Variants in TC2N observed in about 807,000 individuals in gnomAD.
TC2N encodes the protein tandem C2 domains, nuclear, also known as tandem C2 domains nuclear protein.
TC2N carries 51 observed loss-of-function variants against 61.9 expected under a neutral mutation model. The ratio of observed to expected loss-of-function variants is 0.82; its 90% CI spans 0.66 to 1.04. The LOEUF (loss-of-function observed/expected upper bound fraction) is 1.04. Among genes scored for constraint, TC2N ranks in the 50% least tolerant of loss-of-function variants. The pLI is 0.00. For synonymous variants in TC2N, 204 were observed against 192.6 expected (o/e 1.06, Z -0.49); for missense variants, 556 against 566.7 (o/e 0.98, Z 0.19).
chr14:91,843,510 G>C (rs756167699), intron 1 of TC2N, among the ~76,000 whole-genome samples: 2 of 152,170 alleles, frequency 1.3e-5, no homozygotes, highest in Non-Finnish European at 2.9e-5. Flanking sequence ...ACAGAGATGA[G>C]AAAGATTTAA....
chr14:91,798,907 T>G (rs761819783), intron 6 of TC2N, 82 bp downstream of exon 6: 2 of 870,404 alleles, frequency 2.3e-6, no homozygotes, highest in Non-Finnish European at 3.6e-6. Flanking sequence ...CTAGAGTTTT[T>G]CACCTTATAT....
intron 1 of TC2N, among the ~76,000 whole-genome samples, chr14:91,830,951 C>A (rs1390439718): frequency 2.0e-5 from 3 of 152,152 alleles, no homozygotes; most frequent in African/African-American, 7.2e-5. Flanking sequence ...CCAGAATTAG[C>A]CTCTTAGCCT....
rs1888056808 is a variant in TC2N, at chr14:91,837,123, G to A, written c.-56-23298C>T. 1.3e-5 allele frequency among the ~76,000 whole-genome samples: 2 copies of A among 152,174 alleles called. No homozygotes were observed. The highest frequency in any genetic ancestry group is 2.1e-4 in the South Asian group (1 of 4,834). On this transcript the variant is annotated intron_variant, in intron 1 of 11. Coordinates refer to ENST00000435962, the MANE Select transcript of TC2N (RefSeq NM_001128596.3). The surrounding 1 kb of genome is among the most constrained non-coding windows in gnomAD (Gnocchi z 4.2). ...GGATCCCCTCTAACCCTGGTAAAGC[G>A]GGGGGCCTGGCCCTTTTCTCTGGGC... is the stretch of plus-strand genomic sequence containing the variant.
intron 2 of TC2N, 126 bp from the exon 3 acceptor site, chr14:91,812,671 G>T (rs1886837273): frequency 3.7e-6 from 2 of 545,234 alleles, no homozygotes; most frequent in Non-Finnish European, 6.5e-6. Context: ...AACTACTCTT[G>T]GGTCTTACCA....
chr14:91,836,455 T>G (rs1888011492), intron 1 of TC2N: 1 of 152,324 alleles, frequency 6.6e-6, no homozygotes, highest in South Asian at 2.1e-4. Context: ...CTCGAGGTCC[T>G]GCCTTTCCCA....
At chr14:91,806,878 C>T (rs1886531289) in intron 3 of TC2N, among the ~76,000 whole-genome samples, 1 of 152,212 alleles carries the variant, frequency 6.6e-6, no homozygotes, top group Non-Finnish European at 1.5e-5. Flanking sequence ...GCAGCAAGCC[C>T]TCCCATCACA....
At chr14:91,834,278 G>A (rs1161145107) in intron 1 of TC2N, among the ~76,000 whole-genome samples, 10 of 152,098 alleles carry the variant, frequency 6.6e-5, no homozygotes, top group Non-Finnish European at 1.5e-4. Context: ...TCATAATTTG[G>A]ATGGGGCGGG....
intron 1 of TC2N, among the ~76,000 whole-genome samples, chr14:91,825,309 G>A (rs769422421): frequency 4.6e-5 from 7 of 152,038 alleles, no homozygotes; most frequent in Non-Finnish European, 7.4e-5. Flanking sequence ...TGGGATTACA[G>A]GTGTGAGCCA....
In TC2N at chr14:91,780,416, T is replaced by C. The variant is rs1885039476; in HGVS notation, c.*2684A>G. ...TTATATAACTTGTTCAAAATCCCACTAGTTTCTTCTTAACAGTCTTGGTAA... is the reference window on the plus strand; with the variant it reads ...TTATATAACTTGTTCAAAATCCCACCAGTTTCTTCTTAACAGTCTTGGTAA... On this transcript the variant is annotated 3_prime_UTR_variant, in exon 12 of 12. Coordinates refer to ENST00000435962, the MANE Select transcript of TC2N (RefSeq NM_001128596.3). 6.6e-6 allele frequency: 1 copy of C among 152,224 alleles called. No individual in the cohort carries two copies. The highest frequency in any genetic ancestry group is 2.4e-5 in the African/African-American group (1 of 41,466). 9.4% of individuals were successfully genotyped at this position (152,224 alleles called of 1,614,324 possible).
chr14:91,866,401 C>A (rs1888704107), intron 1 of TC2N: 1 of 152,230 alleles, frequency 6.6e-6, no homozygotes, highest in African/African-American at 2.4e-5. Context: ...GATTGGCAAA[C>A]CACTGCAAAA....
intron 8 of TC2N, among the ~76,000 whole-genome samples, chr14:91,793,361 T>C (rs1325380387): frequency 6.6e-6 from 1 of 152,224 alleles, no homozygotes; most frequent in African/African-American, 2.4e-5. Flanking sequence ...AGGCAAGATA[T>C]CTGGGCAACT....
rs1885131920 is a variant in TC2N at position 91,781,532 on chromosome 14, G to A, written c.*1568C>T. 6.6e-6 allele frequency: 1 copy of A among 151,490 alleles called. No individual in the cohort carries two copies. Among genetic ancestry groups the A allele is most frequent in the African/African-American group, 2.4e-5 (1 of 41,232 alleles). The allele number at this position is 151,490 out of a possible 1,614,324, so 9.4% of individuals were successfully genotyped here. ...TCTCTATCTTCCTCTCAATTTTTCTGTTAACCTACAACTGCTCTAAAAAAA... is the reference window on the plus strand; with the variant it reads ...TCTCTATCTTCCTCTCAATTTTTCTATTAACCTACAACTGCTCTAAAAAAA... On this transcript the variant is annotated 3_prime_UTR_variant, in exon 12 of 12. Transcript: ENST00000435962.
chr14:91,780,784 T>G lies in TC2N; in HGVS notation c.*2316A>C, dbSNP rs975633980. 2 of 152,188 alleles carry G rather than the reference T, an allele frequency of 1.3e-5. No individual in the cohort carries two copies. Among genetic ancestry groups the G allele is most frequent in the African/African-American group, 4.8e-5 (2 of 41,450 alleles). The allele number at this position is 152,188 out of a possible 1,614,324, so 9.4% of individuals were successfully genotyped here. A position where few individuals can be genotyped will look rare whatever the true frequency, so the allele number is the denominator to read the frequency against. ...TTACTACCAGCTCCTAACGTTTTTCTCACAATATGCATACCTATTAGCAGG... is the reference window on the plus strand; with the variant it reads ...TTACTACCAGCTCCTAACGTTTTTCGCACAATATGCATACCTATTAGCAGG... On this transcript the variant is annotated 3_prime_UTR_variant, in exon 12 of 12. Coordinates refer to ENST00000435962, the MANE Select transcript of TC2N (RefSeq NM_001128596.3).
At chr14:91,796,936 T>C (rs1885926060) in intron 8 of TC2N, among the ~76,000 whole-genome samples, 1 of 148,102 alleles carries the variant, frequency 6.8e-6, no homozygotes, top group Non-Finnish European at 1.5e-5. Flanking sequence ...TTTCAATTTT[T>C]CTTCAAACAA....
chr14:91,799,253 C>G (rs1886093742), intron 5 of TC2N, among the ~76,000 whole-genome samples, 189 bp from the exon 6 acceptor site: 1 of 150,360 alleles, frequency 6.7e-6, no homozygotes, highest in East Asian at 1.9e-4. Flanking sequence ...TTAGGAATAT[C>G]TTAAATATCT....
intron 9 of TC2N, among the ~76,000 whole-genome samples, chr14:91,789,623 C>CAA (rs1005842920): frequency 2.9e-4 from 39 of 132,266 alleles, no homozygotes; most frequent in African/African-American, 9.2e-4. Context: ...AAACAAAAAA[C>CAA]AAAAAAAAAA....
In TC2N at chr14:91,785,188, C is replaced by A; in HGVS notation, c.1336G>T (p.Val446Leu). 6.2e-7 allele frequency: 1 copy of A among 1,613,358 alleles called. No individual in the cohort carries two copies. The highest frequency in any genetic ancestry group is 8.5e-7 in the Non-Finnish European group (1 of 1,179,610). Residue 446 changes from valine (V) to leucine (L), a missense_variant, in exon 11 of 12, where the codon GTA becomes TTA. Coordinates refer to ENST00000435962, the MANE Select transcript of TC2N (RefSeq NM_001128596.3). The part of the protein sequence containing the change: ...FLIKLYSRSS[V>L]RRKHFVGQIW... Reference sequence around the variant, plus strand: ...TGGCCCACAAAGTGTTTTCTTCTTACAGAGCTTCGACTGTAAAGCTTAATG... The same window carrying A: ...TGGCCCACAAAGTGTTTTCTTCTTAAAGAGCTTCGACTGTAAAGCTTAATG...
intron 10 of TC2N, 149 bp downstream of exon 10, chr14:91,787,364 T>G: frequency 1.9e-6 from 1 of 527,920 alleles, no homozygotes; most frequent in Non-Finnish European, 3.2e-6. Context: ...TGGCTAAAAT[T>G]TGAAATCTTA....
chr14:91,836,485 A>G (rs1888013079), intron 1 of TC2N: 1 of 132,850 alleles, frequency 7.5e-6, no homozygotes, highest in Non-Finnish European at 1.7e-5. Flanking sequence ...CTACCCTATC[A>G]CTTACCCCCT....
Sources: gnomAD v4.1 joint callset for allele counts (sites outside exome capture counted in the v4.1 genomes callset) on GRCh38, gnomAD v4.1.1 for gene constraint, Gnocchi (gnomAD v3.1) non-coding constraint, MANE v1.5 for transcripts, NCBI Gene and HGNC (gene_info 2026-07-23, HGNC 2026-07-21) for gene names.